Variants in TARM1 observed in about 807,000 individuals in gnomAD.
TARM1 encodes the protein T cell-interacting, activating receptor on myeloid cells 1.
A neutral mutation model predicts 30.4 loss-of-function variants in TARM1; 24 were observed. The ratio of observed to expected loss-of-function variants is 0.79; its 90% confidence interval spans 0.57 to 1.11. The LOEUF (loss-of-function observed/expected upper bound fraction) is 1.11, where lower values mean the gene tolerates loss of function less well. TARM1 is among the 50% of genes least tolerant of loss of function. The pLI, the probability that TARM1 is intolerant of heterozygous loss-of-function variation, is 0.00. For synonymous variants in TARM1, 129 were observed against 138.9 expected, an observed-to-expected ratio of 0.93 and a Z score of 0.50; for missense variants, 323 against 332.8, an observed-to-expected ratio of 0.97 and a Z score of 0.23.
chr19:54,076,483 C>T lies in TARM1; in HGVS notation c.35-565G>A, dbSNP rs183055990. ...GTTCAAGTGATTCTCCTGCCTCAGC[C>T]TCCCAAATAGCTGGGATCACAGGCA... On this transcript the variant is annotated intron_variant, in intron 1 of 4. Transcript: ENST00000432826. The T allele has an allele frequency of 1.5e-5, 6 of 407,272 alleles. No homozygotes were observed. In the East Asian group the frequency reaches 2.8e-4, roughly 19 times the overall value. The allele number at this position is 407,272 out of a possible 1,614,324, so 25.2% of individuals were successfully genotyped here. A position where few individuals can be genotyped will look rare whatever the true frequency, so the allele number is the denominator to read the frequency against.
intron 4 of TARM1, 81 bp downstream of exon 4, chr19:54,073,839 G>A (rs2071872225): frequency 1.4e-6 from 2 of 1,450,402 alleles, no homozygotes; most frequent in Non-Finnish European, 1.9e-6. Flanking sequence ...AAGTAATGAA[G>A]AAATGAGATT....
At chr19:54,079,226 T>A (rs2072035952) in intron 1 of TARM1, among the ~76,000 whole-genome samples, 1 of 143,942 alleles carries the variant, frequency 6.9e-6, no homozygotes, top group Non-Finnish European at 1.5e-5. Context: ...ATTAGGCCAC[T>A]GTACTCCAGC....
chr19:54,078,178 CTTTTTTTTT>C (rs869101071), intron 1 of TARM1, among the ~76,000 whole-genome samples: 3 of 67,806 alleles, frequency 4.4e-5, no homozygotes, highest in Non-Finnish European at 7.8e-5. Flanking sequence ...TTCTTTCTTT[CTTTTTTTTT>C]TTTTTTTTTT....
At chr19:54,078,778 C>T (rs1160442448) in intron 1 of TARM1, among the ~76,000 whole-genome samples, 1 of 151,998 alleles carries the variant, frequency 6.6e-6, no homozygotes, top group Non-Finnish European at 1.5e-5. Flanking sequence ...GCTGGGATTA[C>T]AGGTGTGAGA....
intron 1 of TARM1, among the ~76,000 whole-genome samples, chr19:54,079,501 C>G (rs587679506): frequency 6.6e-6 from 1 of 152,030 alleles, no homozygotes; most frequent in Non-Finnish European, 1.5e-5. Flanking sequence ...AATGCTGAGT[C>G]GGGCAGGTTG....
In TARM1 at chr19:54,070,120, GT is replaced by G. The variant is rs1223165431; in HGVS notation, c.698del (p.Asn233ThrfsTer10). ...CGGCAGCCAGACCCAGTCGTACGAA[GT>G]TACCCAGGGAGTAGTTGCTCGATGT... ...GTTSSNYSLG[N>X]FVRLGLAAVI... is the part of the protein sequence containing the mutation. On this transcript the variant is annotated frameshift_variant, in exon 5 of 5. Transcript: ENST00000432826. The G allele has an allele frequency of 7.1e-6, 11 of 1,551,674 alleles. No individual in the cohort carries two copies. The highest frequency in any genetic ancestry group is 9.6e-6 in the Non-Finnish European group (11 of 1,146,988).
intron 1 of TARM1, 37 bp downstream of exon 1, chr19:54,081,270 T>C (rs1351288387): frequency 1.3e-6 from 2 of 1,546,414 alleles, no homozygotes; most frequent in East Asian, 4.9e-5. Flanking sequence ...GTTCCATGAT[T>C]TTCTGCAGTC....
In TARM1 at chr19:54,070,005, A is replaced by ACTCT; in HGVS notation, c.810_813dup (p.Ter272ArgfsTer6). 6.4e-7 allele frequency: 1 copy of ACTCT among 1,550,688 alleles called. No individual in the cohort carries two copies. The highest frequency in any genetic ancestry group is 1.4e-5 in the African/African-American group (1 of 73,028). On this transcript the variant is annotated frameshift_variant, in exon 5 of 5. Coordinates refer to ENST00000432826, the MANE Select transcript of TARM1 (RefSeq NM_001135686.3). ...CCCAGCCCCGGTTCAAGATGGAGTC[A>ACTCT]CTCTGGTTTGAAGGCCTCTGATTCA...
At chr19:54,071,497 A>C (rs1190973066) in intron 4 of TARM1, among the ~76,000 whole-genome samples, 6 of 151,946 alleles carry the variant, frequency 3.9e-5, no homozygotes, top group Non-Finnish European at 5.9e-5. Flanking sequence ...CGCAGCACAC[A>C]CTGCTGTGCA....
At position 54,070,161 on chromosome 19, in the gene TARM1, C is replaced by T; in HGVS notation, c.659-1G>A. The T allele has an allele frequency of 6.4e-7, 1 of 1,551,276 alleles. No individual in the cohort carries two copies. Among genetic ancestry groups the T allele is most frequent in the Non-Finnish European group, 8.7e-7 (1 of 1,146,732 alleles). ...TTGCTCGATGTGGTACCTGGGGGAA[C>T]TGAAAGAGAGAAGGGGCTCAGCACT... On this transcript the variant is annotated splice_acceptor_variant, in intron 4 of 4. Coordinates refer to ENST00000432826, the MANE Select transcript of TARM1 (RefSeq NM_001135686.3). LOFTEE classifies it high-confidence loss of function.
chr19:54,077,834 G>A (rs1433416057), intron 1 of TARM1, among the ~76,000 whole-genome samples: 3 of 143,412 alleles, frequency 2.1e-5, no homozygotes, highest in Non-Finnish European at 3.0e-5. Flanking sequence ...CCTCCGCCTC[G>A]CGGGTTCAAG....
At chr19:54,074,742 G>A in intron 3 of TARM1, 82 bp downstream of exon 3, 1 of 1,409,704 alleles carries the variant, frequency 7.1e-7, no homozygotes, top group Non-Finnish European at 9.6e-7. Flanking sequence ...CTGAAGGTGG[G>A]ACCCCTTTTC....
At chr19:54,077,335 G>A (rs1362131113) in intron 1 of TARM1, among the ~76,000 whole-genome samples, 1 of 151,282 alleles carries the variant, frequency 6.6e-6, no homozygotes, top group Non-Finnish European at 1.5e-5. Context: ...AGCTGAGATC[G>A]CACCACTGCA....
chr19:54,071,454 G>A (rs1184509893), intron 4 of TARM1, among the ~76,000 whole-genome samples: 1 of 152,190 alleles, frequency 6.6e-6, no homozygotes, highest in African/African-American at 2.4e-5. Flanking sequence ...GAGCTCTACA[G>A]AGCCCCGAAT....
chr19:54,070,116 C>T lies in TARM1; in HGVS notation c.703G>A (p.Val235Ile), dbSNP rs1284657696. ...ATTACGGCAGCCAGACCCAGTCGTA[C>T]GAAGTTACCCAGGGAGTAGTTGCTC... ...TSSNYSLGNF[V>I]RLGLAAVIVV... The change falls in exon 5 of 5, where the codon GTA becomes ATA. Residue 235 changes from valine (V) to isoleucine (I), a missense_variant. Transcript: ENST00000432826. 15 of 1,551,528 alleles carry T rather than the reference C, an allele frequency of 9.7e-6. No homozygotes were observed. The highest frequency in any genetic ancestry group is 2.4e-5 in the South Asian group (2 of 84,064).
chr19:54,080,159 GCA>G (rs2072081380), intron 1 of TARM1, among the ~76,000 whole-genome samples: 2 of 112,842 alleles, frequency 1.8e-5, no homozygotes. Context: ...AAGCAAGCAA[GCA>G]AGCAAGCAAG....
At chr19:54,071,378 A>G (rs1009579132) in intron 4 of TARM1, among the ~76,000 whole-genome samples, 4 of 151,816 alleles carry the variant, frequency 2.6e-5, no homozygotes, top group Admixed American at 6.6e-5. Flanking sequence ...ACCTTCCCAC[A>G]TTGCCTTTTC....
At chr19:54,071,201 G>A (rs1033871219) in intron 4 of TARM1, among the ~76,000 whole-genome samples, 2 of 151,760 alleles carry the variant, frequency 1.3e-5, no homozygotes, top group African/African-American at 2.4e-5. Flanking sequence ...CAAGTGATTC[G>A]CCTGCCTCGG....
At chr19:54,072,782 GC>G (rs1178241293) in intron 4 of TARM1, among the ~76,000 whole-genome samples, 1 of 152,020 alleles carries the variant, frequency 6.6e-6, no homozygotes, top group East Asian at 1.9e-4. Context: ...TTCAAGACCA[GC>G]CTGGTCAACA....
Sources: allele counts gnomAD v4.1 joint callset (sites outside exome capture counted in the v4.1 genomes callset), GRCh38; gene constraint gnomAD v4.1.1; transcripts MANE v1.5; gene names NCBI Gene and HGNC (gene_info 2026-07-23, HGNC 2026-07-21).